BMPR1B: variants seen among roughly 807,000 people sequenced by gnomAD.
The protein encoded by BMPR1B is bone morphogenetic protein receptor type 1B.
Under a neutral mutation model 59.1 loss-of-function variants are expected in BMPR1B, and 12 were observed. That is an observed-to-expected ratio of 0.20 (90% CI 0.13 to 0.33). BMPR1B has a LOEUF of 0.33. Among genes scored for constraint, BMPR1B ranks in the 10% least tolerant of loss-of-function variants. BMPR1B has a pLI of 1.00. For synonymous variants in BMPR1B, 237 were observed against 207.3 expected (o/e 1.14, Z -1.23); for missense variants, 550 against 610.9 (o/e 0.90, Z 1.05).
chr4:95,088,111 G>A (rs1008638000), intron 3 of BMPR1B, among the ~76,000 whole-genome samples: 5 of 152,058 alleles, frequency 3.3e-5, no homozygotes, highest in African/African-American at 9.7e-5. Context: ...TCAAAAGTAA[G>A]CTTCACTTGG....
intron 3 of BMPR1B, among the ~76,000 whole-genome samples, chr4:95,100,100 A>G (rs1210650821): frequency 1.3e-5 from 2 of 152,072 alleles, no homozygotes; most frequent in African/African-American, 2.4e-5. Context: ...GCAATGTCTC[A>G]TCTTATTATC....
intron 2 of BMPR1B, among the ~76,000 whole-genome samples, chr4:94,908,644 G>C (rs1728158952): frequency 6.6e-6 from 1 of 151,618 alleles, no homozygotes; most frequent in Non-Finnish European, 1.5e-5. Flanking sequence ...TTATTATAGA[G>C]AGTAATTAAT....
chr4:95,093,749 T>A (rs1002121116), intron 3 of BMPR1B, among the ~76,000 whole-genome samples: 12 of 151,982 alleles, frequency 7.9e-5, no homozygotes, highest in Non-Finnish European at 1.5e-4. Flanking sequence ...GATGTGTGAG[T>A]ATGGTGAAAA....
chr4:95,038,899 T>G (rs1725450853), intron 3 of BMPR1B, among the ~76,000 whole-genome samples: 1 of 152,184 alleles, frequency 6.6e-6, no homozygotes, highest in Non-Finnish European at 1.5e-5. Context: ...CAGGCTTTAC[T>G]CATTTTGGTT....
chr4:94,776,494 C>G (rs1722374552), intron 1 of BMPR1B, among the ~76,000 whole-genome samples: 1 of 152,194 alleles, frequency 6.6e-6, no homozygotes, highest in Non-Finnish European at 1.5e-5. Context: ...ACACGAAGTA[C>G]TCTTATTCTC....
At chr4:94,912,942 T>C (rs543068031) in intron 2 of BMPR1B, among the ~76,000 whole-genome samples, 1 of 150,968 alleles carries the variant, frequency 6.6e-6, no homozygotes, top group Non-Finnish European at 1.5e-5. Flanking sequence ...TTTCCTTCAT[T>C]TCTAGCTGTC....
intron 1 of BMPR1B, among the ~76,000 whole-genome samples, chr4:94,835,721 G>A (rs1724781270): frequency 6.6e-6 from 1 of 152,140 alleles, no homozygotes; most frequent in Non-Finnish European, 1.5e-5. Context: ...GTATTCAAAT[G>A]TAAGATTTCC....
intron 1 of BMPR1B, among the ~76,000 whole-genome samples, chr4:94,825,021 A>G (rs758422457): frequency 1.3e-5 from 2 of 152,182 alleles, no homozygotes; most frequent in Non-Finnish European, 2.9e-5. Context: ...GGACGTTTAG[A>G]ATCTCTTTTA....
At chr4:94,999,808 G>T (rs1444926) in intron 3 of BMPR1B, among the ~76,000 whole-genome samples, 17 of 152,038 alleles carry the variant, frequency 1.1e-4, no homozygotes, top group Admixed American at 3.9e-4. Flanking sequence ...GAGATAGTTC[G>T]GGTTTTAAGG....
chr4:95,056,274 T>A (rs1250271214), intron 3 of BMPR1B, among the ~76,000 whole-genome samples: 1 of 152,152 alleles, frequency 6.6e-6, no homozygotes, highest in Non-Finnish European at 1.5e-5. Context: ...GTAAAATACA[T>A]AAGGATGATC....
At chr4:95,110,263 G>A (rs1224216272) in intron 4 of BMPR1B, among the ~76,000 whole-genome samples, 2 of 152,006 alleles carry the variant, frequency 1.3e-5, no homozygotes, top group African/African-American at 2.4e-5. Context: ...GTGAGGGTCC[G>A]CATTGGGTGA....
In BMPR1B at chr4:94,835,592, G is replaced by A. The variant is rs1445460278; in HGVS notation, c.-182-40239G>A. Among the ~76,000 whole-genome samples the A allele has an allele frequency of 5.3e-5, 8 of 152,200 alleles. No individual in the cohort carries two copies. In the South Asian group the frequency reaches 1.7e-3, roughly 32 times the overall value. On this transcript the variant is annotated intron_variant, in intron 1 of 12. Coordinates refer to ENST00000515059, the MANE Select transcript of BMPR1B (RefSeq NM_001203.3). ...GTCTCTTTGGTAACAACCAAATGTG[G>A]TGTGAAAGATACAATAATATATTTT...
At chr4:95,083,493 G>GGT (rs147116926) in intron 3 of BMPR1B, among the ~76,000 whole-genome samples, 2 of 151,970 alleles carry the variant, frequency 1.3e-5, no homozygotes, top group African/African-American at 2.4e-5. Flanking sequence ...ATTTAAAAAG[G>GGT]GTGTGTGTGT....
At chr4:94,798,058 G>C (rs937459791) in intron 1 of BMPR1B, among the ~76,000 whole-genome samples, 6 of 152,156 alleles carry the variant, frequency 3.9e-5, no homozygotes, top group African/African-American at 1.4e-4. Flanking sequence ...TACAGCATTT[G>C]TGATTATTAT....
At chr4:94,977,976 AT>A (rs1345160867) in intron 2 of BMPR1B, among the ~76,000 whole-genome samples, 1 of 152,014 alleles carries the variant, frequency 6.6e-6, no homozygotes, top group African/African-American at 2.4e-5. Flanking sequence ...TGGTATGGCT[AT>A]TTTTTTTCTA....
In BMPR1B at chr4:94,954,483, A is replaced by G. The variant is rs189196970; in HGVS notation, c.-112-41557A>G. Among the ~76,000 whole-genome samples, 38 of 152,312 alleles carry G rather than the reference A, an allele frequency of 2.5e-4. No individual in the cohort carries two copies. The East Asian group carries it at 6.9e-3, about 28-fold the overall frequency. On this transcript the variant is annotated intron_variant, in intron 2 of 12. Transcript: ENST00000515059. ...CTCAGATTGTGCAATGCACATGCCA[A>G]AGACTCTGTTTACATAGATTTCAGT...
At position 95,059,197 on chromosome 4, in the gene BMPR1B, CAA is replaced by C. The variant is rs918275422; in HGVS notation, c.-17-45208_-17-45207del. 1.1e-4 allele frequency among the ~76,000 whole-genome samples: 16 copies of C among 152,244 alleles called. No homozygotes were observed. The East Asian group carries it at 1.5e-3, about 15-fold the overall frequency. On this transcript the variant is annotated intron_variant, in intron 3 of 12. Coordinates refer to ENST00000515059, the MANE Select transcript of BMPR1B (RefSeq NM_001203.3). The stretch of plus-strand genomic sequence containing the variant: ...ACCCGGAAAACAACAACAATAATCA[CAA>C]AAGAGTTCCATTGTGACATGTTAAT...
chr4:94,818,179 C>A (rs1006073252), intron 1 of BMPR1B, among the ~76,000 whole-genome samples: 6 of 151,788 alleles, frequency 4.0e-5, no homozygotes, highest in Non-Finnish European at 8.8e-5. Context: ...TTATACAAGC[C>A]TCTGTGGTAA....
chr4:94,779,238 A>G (rs72884135), intron 1 of BMPR1B, among the ~76,000 whole-genome samples: 7,202 of 152,102 alleles, frequency 0.047, 434 homozygotes, highest in East Asian at 0.17. Context: ...CTATTGTCCA[A>G]ATGCAATTTA....
Sources: gnomAD v4.1 joint callset for allele counts (sites outside exome capture counted in the v4.1 genomes callset) on GRCh38, gnomAD v4.1.1 for gene constraint, MANE v1.5 for transcripts, NCBI Gene and HGNC (gene_info 2026-07-23, HGNC 2026-07-21) for gene names.